The following SPTLC3 variants were observed in gnomAD, a reference collection of about 807,000 sequenced individuals.
The protein encoded by SPTLC3 is serine palmitoyltransferase 3.
In SPTLC3, 36 loss-of-function variants were observed where a neutral mutation model predicts 59.3. That is an observed-to-expected ratio of 0.61 (90% confidence interval 0.47 to 0.80). The LOEUF (loss-of-function observed/expected upper bound fraction) is 0.80, where lower values mean the gene tolerates loss of function less well. SPTLC3 is among the 30% of genes least tolerant of loss of function. The pLI, the probability that SPTLC3 is intolerant of heterozygous loss-of-function variation, is 0.00. For synonymous variants in SPTLC3, 257 were observed against 240.8 expected (o/e 1.07, Z -0.62); for missense variants, 625 against 685.1 (o/e 0.91, Z 0.98).
chr20:13,060,377 GTTAT>G (rs60787251), intron 2 of SPTLC3, among the ~76,000 whole-genome samples: 1,982 of 146,256 alleles, frequency 0.014, 15 homozygotes, highest in Middle Eastern at 0.072. Flanking sequence ...AAGAGCTAAA[GTTAT>G]TTATTTATTT....
At chr20:13,072,204 G>T in intron 2 of SPTLC3, 52 bp from the exon 3 acceptor site, 1 of 1,545,064 alleles carries the variant, frequency 6.5e-7, no homozygotes, top group Non-Finnish European at 8.7e-7. Flanking sequence ...AATTGTAAGT[G>T]AAATCCAGAA....
chr20:13,098,116 G>A (rs1394884687), intron 6 of SPTLC3, among the ~76,000 whole-genome samples: 2 of 152,184 alleles, frequency 1.3e-5, no homozygotes, highest in African/African-American at 4.8e-5. Flanking sequence ...GAGACTGTAT[G>A]TGGTCCACAA....
rs190346698 is a variant in SPTLC3 at position 13,014,636 on chromosome 20, C to A, written c.117+5252C>A. 1.3e-4 allele frequency among the ~76,000 whole-genome samples: 20 copies of A among 152,044 alleles called. No individual in the cohort carries two copies. The East Asian group carries it at 3.7e-3, about 28-fold the overall frequency. ...AAGAAATTTATTAGGGAGGTGAACC[C>A]AGGAAGCACAGAGGAAAAATAGTGA... On this transcript the variant is annotated intron_variant, in intron 1 of 11. Coordinates refer to ENST00000399002, the MANE Select transcript of SPTLC3 (RefSeq NM_018327.4).
At chr20:13,090,941 T>C in intron 4 of SPTLC3, 142 bp from the exon 5 acceptor site, 1 of 1,143,126 alleles carries the variant, frequency 8.7e-7, no homozygotes, top group Non-Finnish European at 1.2e-6. Flanking sequence ...GGGCTGTTTC[T>C]AGATTAGGGC....
intron 2 of SPTLC3, among the ~76,000 whole-genome samples, chr20:13,058,465 A>C (rs1987817130): frequency 6.6e-6 from 1 of 152,226 alleles, no homozygotes; most frequent in East Asian, 1.9e-4. Context: ...AGTGCTTTGC[A>C]GACTTGGCTA....
intron 1 of SPTLC3, among the ~76,000 whole-genome samples, chr20:13,025,434 TG>T (rs1361734662): frequency 1.3e-5 from 2 of 152,174 alleles, no homozygotes; most frequent in African/African-American, 4.8e-5. Flanking sequence ...CCCAGCTTCA[TG>T]GTGGTGTGAC....
At chr20:13,011,059 T>A (rs116625889) in intron 1 of SPTLC3, among the ~76,000 whole-genome samples, 2,700 of 152,202 alleles carry the variant, frequency 0.018, 76 homozygotes, top group African/African-American at 0.062. Context: ...CTCAGACATA[T>A]TTAGGTGTCA....
At chr20:13,127,190 C>A (rs929057358) in intron 9 of SPTLC3, among the ~76,000 whole-genome samples, 3 of 152,208 alleles carry the variant, frequency 2.0e-5, no homozygotes, top group African/African-American at 2.4e-5. Flanking sequence ...AATAAGCTTC[C>A]AGCCATTTCT....
At chr20:13,069,601 G>A (rs953178625) in intron 2 of SPTLC3, among the ~76,000 whole-genome samples, 9 of 152,102 alleles carry the variant, frequency 5.9e-5, no homozygotes, top group East Asian at 1.9e-4. Context: ...AGCCCAGGTG[G>A]TAATGCTCGC....
chr20:13,048,132 A>C (rs528096602), intron 1 of SPTLC3, among the ~76,000 whole-genome samples: 50 of 152,334 alleles, frequency 3.3e-4, no homozygotes, highest in African/African-American at 1.1e-3. Flanking sequence ...AGAGCTAACT[A>C]TCCTAAATAT....
chr20:13,100,668 T>C (rs888115045), intron 6 of SPTLC3, among the ~76,000 whole-genome samples: 3 of 152,254 alleles, frequency 2.0e-5, no homozygotes, highest in African/African-American at 7.2e-5. Flanking sequence ...AGCTGAGTCA[T>C]AACTACTCTA....
chr20:13,140,165 A>G (rs1360058200), intron 9 of SPTLC3, among the ~76,000 whole-genome samples: 2 of 152,230 alleles, frequency 1.3e-5, no homozygotes, highest in African/African-American at 4.8e-5. Flanking sequence ...AAATAGTAGC[A>G]TACAGACATT....
At chr20:13,094,186 A>G (rs1331159892) in intron 6 of SPTLC3, among the ~76,000 whole-genome samples, 4 of 152,192 alleles carry the variant, frequency 2.6e-5, no homozygotes, top group African/African-American at 4.8e-5. Flanking sequence ...GGTGGTGGAC[A>G]TCTGAGTTCT....
At chr20:13,130,921 G>A (rs1372370263) in intron 9 of SPTLC3, among the ~76,000 whole-genome samples, 1 of 152,190 alleles carries the variant, frequency 6.6e-6, no homozygotes, top group African/African-American at 2.4e-5. Context: ...TCAGGCCAAT[G>A]TTTATGCTAA....
chr20:13,160,052 G>A lies in SPTLC3; in HGVS notation c.1465G>A (p.Gly489Arg), dbSNP rs1180743197. Reference sequence around the variant, plus strand: ...GAAAAAAATTGGAGTGGTGGTCGTGGGATTTCCAGCCACTCCCCTCGCAGA... The same window carrying A: ...GAAAAAAATTGGAGTGGTGGTCGTGAGATTTCCAGCCACTCCCCTCGCAGA... ...LEKKIGVVVVGFPATPLAEAR... is the reference protein window; with the variant it reads ...LEKKIGVVVVRFPATPLAEAR... The change falls in exon 11 of 12, where the codon GGA (glycine) becomes AGA (arginine). Residue 489 changes from glycine to arginine, a missense_variant. Gly to Arg is a moderately radical substitution (Grantham distance 125). Coordinates refer to ENST00000399002, the MANE Select transcript of SPTLC3 (RefSeq NM_018327.4). The A allele has an allele frequency of 6.2e-7, 1 of 1,613,590 alleles. No individual in the cohort carries two copies. Among genetic ancestry groups the A allele is most frequent in the Admixed American group, 1.7e-5 (1 of 59,992 alleles).
chr20:13,018,737 T>C (rs1301305979), intron 1 of SPTLC3, among the ~76,000 whole-genome samples: 1 of 152,224 alleles, frequency 6.6e-6, no homozygotes, highest in Non-Finnish European at 1.5e-5. Flanking sequence ...GATATTAACC[T>C]AATTAATTGC....
rs190540613 is a variant in SPTLC3, at chr20:13,052,849, C to T, written c.303+3719C>T. ...GCCAGACTGCCACTCTAGATTCCTC[C>T]TCTCTGGGCCTGGCATCTCGGGAAA... On this transcript the variant is annotated intron_variant, in intron 2 of 11. Coordinates refer to ENST00000399002, the MANE Select transcript of SPTLC3 (RefSeq NM_018327.4). 4.2e-4 allele frequency among the ~76,000 whole-genome samples: 64 copies of T among 152,310 alleles called. 2 individuals are homozygous for T. The highest frequency in any genetic ancestry group is 3.3e-3 in the South Asian group (16 of 4,826).
At chr20:13,064,054 G>C (rs1009154981) in intron 2 of SPTLC3, among the ~76,000 whole-genome samples, 32 of 139,374 alleles carry the variant, frequency 2.3e-4, no homozygotes, top group East Asian at 1.6e-3. Flanking sequence ...TTTTTTGATG[G>C]AGTCTTGCTC....
In SPTLC3 at chr20:13,107,678, C is replaced by T. The variant is rs58376965; in HGVS notation, c.827-2434C>T. Reference sequence around the variant, plus strand: ...CCAATTCTTCTTTCACGGGTCCTTACGATCTTGGTGAAATTGATTAATTCC... The same window carrying T: ...CCAATTCTTCTTTCACGGGTCCTTATGATCTTGGTGAAATTGATTAATTCC... On this transcript the variant is annotated intron_variant, in intron 6 of 11. Transcript: ENST00000399002. Among the ~76,000 whole-genome samples the T allele has an allele frequency of 6.1e-3, 926 of 152,042 alleles. 5 individuals carry two copies. The highest frequency in any genetic ancestry group is 0.021 in the African/African-American group (883 of 41,454).
Sources: gnomAD v4.1 joint callset for allele counts (sites outside exome capture counted in the v4.1 genomes callset) on GRCh38, gnomAD v4.1.1 for gene constraint, MANE v1.5 for transcripts, NCBI Gene and HGNC (gene_info 2026-07-23, HGNC 2026-07-21) for gene names.